Variants in ARHGAP32 observed in about 807,000 individuals in gnomAD.
ARHGAP32 encodes Rho GTPase activating protein 32.
ARHGAP32 carries 51 observed loss-of-function variants against 186.5 expected under a neutral mutation model. The ratio of observed to expected loss-of-function variants is 0.27; its 90% CI spans 0.22 to 0.35. The LOEUF (loss-of-function observed/expected upper bound fraction) is 0.35. ARHGAP32 is among the 10% of genes least tolerant of loss of function. The pLI is 1.00. For synonymous variants in ARHGAP32, 950 were observed against 964.3 expected (o/e 0.99, Z 0.27); for missense variants, 2,186 against 2,623.5 (o/e 0.83, Z 3.64).
In ARHGAP32 at chr11:128,970,518, T is replaced by C. The variant is rs1945335652; in HGVS notation, c.4695A>G (p.Pro1565=). Residue 1565 remains proline, a synonymous_variant, in exon 23 of 23, where the codon CCA becomes CCG. Coordinates refer to ENST00000682385, the MANE Select transcript of ARHGAP32 (RefSeq NM_001378024.1). This position sits in a 1 kb window ranked among gnomAD's most constrained non-coding sequence, Gnocchi z 5.8. ...AAGACACATACTCGACCCGGCTGCA[T>C]GGCTTGGAGTGGTGTCCAGATGCGT... The part of the protein sequence containing the change: ...GRNASGHHSK[P]CSRVEYVSSL... 8 of 1,614,152 alleles carry C rather than the reference T, an allele frequency of 5.0e-6. No individual in the cohort carries two copies. The highest frequency in any genetic ancestry group is 5.9e-6 in the Non-Finnish European group (7 of 1,180,016).
intron 1 of ARHGAP32, among the ~76,000 whole-genome samples, chr11:129,246,086 C>T (rs1263444520): frequency 6.6e-6 from 1 of 152,072 alleles, no homozygotes; most frequent in East Asian, 1.9e-4. Flanking sequence ...CTATACTAGT[C>T]CCTGGGAATA....
chr11:129,077,272 A>T (rs1396108377), intron 6 of ARHGAP32, among the ~76,000 whole-genome samples: 3 of 152,174 alleles, frequency 2.0e-5, no homozygotes, highest in African/African-American at 7.2e-5. Flanking sequence ...AAATTTTCCT[A>T]CGCAGAATCC....
intron 1 of ARHGAP32, among the ~76,000 whole-genome samples, chr11:129,236,167 G>A (rs534337034): frequency 5.8e-4 from 89 of 152,192 alleles, no homozygotes; most frequent in South Asian, 1.0e-3. Flanking sequence ...TAGTGGTTGC[G>A]CTAGTTTCCA....
In ARHGAP32 at chr11:129,079,128, C is replaced by T. The variant is rs116240102; in HGVS notation, c.532-12260G>A. Among the ~76,000 whole-genome samples, 1,309 of 152,146 alleles carry T rather than the reference C, an allele frequency of 8.6e-3. 19 individuals are homozygous for T. The highest frequency in any genetic ancestry group is 0.024 in the African/African-American group (1,015 of 41,512). ...TTTGGGATAATGTTAGATGACTAAA[C>T]GTAACAATAATTAGTATTCCCAAGA... On this transcript the variant is annotated intron_variant, in intron 6 of 22. Transcript: ENST00000682385.
At chr11:129,232,928 A>G (rs2135641388) in intron 1 of ARHGAP32, among the ~76,000 whole-genome samples, 1 of 152,304 alleles carries the variant, frequency 6.6e-6, no homozygotes, top group East Asian at 1.9e-4. Flanking sequence ...TCAGGCCTGC[A>G]TAGATCTCTT....
At chr11:129,131,677 C>T (rs1032344813) in intron 2 of ARHGAP32, among the ~76,000 whole-genome samples, 1 of 152,150 alleles carries the variant, frequency 6.6e-6, no homozygotes, top group Admixed American at 6.5e-5. Flanking sequence ...GGCCCCTCCT[C>T]CAACTTTGGG....
chr11:128,976,257 A>G (rs1945538861), intron 20 of ARHGAP32, among the ~76,000 whole-genome samples: 1 of 152,102 alleles, frequency 6.6e-6, no homozygotes, highest in Admixed American at 6.5e-5. Flanking sequence ...TGTAAAATCT[A>G]AAGGAAACAG....
chr11:129,131,156 A>G (rs1351814950), intron 2 of ARHGAP32, among the ~76,000 whole-genome samples: 3 of 152,170 alleles, frequency 2.0e-5, no homozygotes, highest in Non-Finnish European at 2.9e-5. Flanking sequence ...AAGTGTTACA[A>G]CTGGCTGGTG....
chr11:129,276,261 G>A (rs1047690693), intron 1 of ARHGAP32, among the ~76,000 whole-genome samples: 1 of 152,184 alleles, frequency 6.6e-6, no homozygotes, highest in African/African-American at 2.4e-5. Flanking sequence ...TTTGGAACTA[G>A]AAGAAATCTA....
At chr11:128,973,678 A>G (rs10893942) in intron 21 of ARHGAP32, 156,173 of 531,018 alleles carry the variant, frequency 0.29, 23,791 homozygotes, top group Middle Eastern at 0.39. Flanking sequence ...GATGGGGGGG[A>G]AAAAAAGCAT....
At chr11:129,191,943 C>T (rs940375101) in intron 1 of ARHGAP32, 140 bp downstream of exon 1, 2 of 654,694 alleles carry the variant, frequency 3.1e-6, no homozygotes, top group East Asian at 2.6e-5. Flanking sequence ...CAACTCAAAA[C>T]CTGCTCCCTT....
chr11:128,989,555 C>T (rs1453791663), intron 12 of ARHGAP32, among the ~76,000 whole-genome samples: 2 of 149,856 alleles, frequency 1.3e-5, no homozygotes, highest in South Asian at 2.1e-4. Context: ...CACACACACA[C>T]ATACATATAT....
chr11:129,026,562 G>A (rs1038972396), intron 11 of ARHGAP32, among the ~76,000 whole-genome samples: 2 of 152,204 alleles, frequency 1.3e-5, no homozygotes, highest in Admixed American at 6.5e-5. Flanking sequence ...TTGGGAGGCC[G>A]AGGCAGGAGG....
At chr11:129,002,175 T>A (rs938746669) in intron 11 of ARHGAP32, among the ~76,000 whole-genome samples, 1 of 152,210 alleles carries the variant, frequency 6.6e-6, no homozygotes, top group African/African-American at 2.4e-5. Flanking sequence ...AATCTGTAGT[T>A]TGGTCTGGGT....
intron 1 of ARHGAP32, among the ~76,000 whole-genome samples, chr11:129,229,786 A>T (rs1214045079): frequency 2.6e-5 from 4 of 152,164 alleles, no homozygotes; most frequent in African/African-American, 9.7e-5. Context: ...TAAGATATAT[A>T]TATGCATAAC....
intron 1 of ARHGAP32, among the ~76,000 whole-genome samples, chr11:129,183,775 A>G (rs536010754): frequency 0.013 from 2,024 of 152,094 alleles, 53 homozygotes; most frequent in African/African-American, 0.045. Flanking sequence ...GACCCACCAA[A>G]TTGCATGAAA....
intron 1 of ARHGAP32, among the ~76,000 whole-genome samples, chr11:129,247,225 C>G (rs1945112390): frequency 6.7e-6 from 1 of 148,856 alleles, no homozygotes; most frequent in Admixed American, 6.6e-5. Context: ...GGTTAAAGAT[C>G]AAGTCTGTTT....
intron 5 of ARHGAP32, among the ~76,000 whole-genome samples, chr11:129,101,924 A>G (rs1941911626): frequency 6.6e-6 from 1 of 152,224 alleles, no homozygotes; most frequent in South Asian, 2.1e-4. Context: ...CAAGGTCGAA[A>G]TGAAAGAAAA....
At chr11:129,138,295 G>GTAA (rs1942977278) in intron 2 of ARHGAP32, among the ~76,000 whole-genome samples, 1 of 66,430 alleles carries the variant, frequency 1.5e-5, no homozygotes, top group Non-Finnish European at 2.8e-5. Flanking sequence ...ACCCTTACTG[G>GTAA]TAAAAAAAAA....
Sources: allele counts gnomAD v4.1 joint callset (sites outside exome capture counted in the v4.1 genomes callset), GRCh38; gene constraint gnomAD v4.1.1; non-coding constraint Gnocchi (gnomAD v3.1); transcripts MANE v1.5; gene names NCBI Gene and HGNC (gene_info 2026-07-23, HGNC 2026-07-21).